PPTC7: variants seen among roughly 807,000 people sequenced by gnomAD.
PPTC7 encodes the protein protein phosphatase targeting COQ7, also known as protein phosphatase PTC7 homolog.
Under a neutral mutation model 30.8 loss-of-function variants are expected in PPTC7, and 6 were observed. The observed-to-expected ratio is 0.19, with a 90% CI of 0.11 to 0.38. The LOEUF is 0.38. Ranked by LOEUF, PPTC7 falls within the 10% of genes least tolerant of loss-of-function variation. The pLI is 1.00. For missense variants in PPTC7, 218 were observed against 404.8 expected (o/e 0.54, Z 3.96); for synonymous variants, 163 against 168.1 (o/e 0.97, Z 0.23).
At chr12:110,582,739 A>G (rs2064649067) in intron 1 of PPTC7, 70 bp downstream of exon 1, 1 of 1,308,220 alleles carries the variant, frequency 7.6e-7, no homozygotes, top group Non-Finnish European at 1.0e-6. Flanking sequence ...GGAACTGGGG[A>G]AGCCCCGCGC....
chr12:110,567,053 T>TG (rs2064490028), intron 1 of PPTC7, among the ~76,000 whole-genome samples: 2 of 152,348 alleles, frequency 1.3e-5, no homozygotes, highest in East Asian at 3.9e-4. Flanking sequence ...AATACATACA[T>TG]GGGCCTAACC....
At chr12:110,576,548 G>T (rs1172182615) in intron 1 of PPTC7, among the ~76,000 whole-genome samples, 1 of 152,206 alleles carries the variant, frequency 6.6e-6, no homozygotes, top group African/African-American at 2.4e-5. Flanking sequence ...CATAAAAAGG[G>T]AGGAAGTACT....
chr12:110,560,126 G>A (rs1317126554), intron 1 of PPTC7, among the ~76,000 whole-genome samples: 1 of 152,156 alleles, frequency 6.6e-6, no homozygotes, highest in Non-Finnish European at 1.5e-5. Context: ...ATGACCAGGC[G>A]TGGTAGCTCA....
chr12:110,539,801 G>A (rs779847048), intron 4 of PPTC7, 21 bp downstream of exon 4: 8 of 1,612,158 alleles, frequency 5.0e-6, no homozygotes, highest in Non-Finnish European at 5.9e-6. Context: ...TTTCCCAAGA[G>A]CTAACCTTTG....
intron 1 of PPTC7, among the ~76,000 whole-genome samples, chr12:110,582,374 T>C (rs74728497): frequency 0.11 from 17,075 of 152,204 alleles, 1,168 homozygotes; most frequent in African/African-American, 0.19. Flanking sequence ...TCCCGCAGCC[T>C]GGGCCGGGCT....
chr12:110,582,852 G>C lies in PPTC7; in HGVS notation c.180C>G (p.Asp60Glu), dbSNP rs1254401407. 4 of 1,561,102 alleles carry C rather than the reference G, an allele frequency of 2.6e-6. No homozygotes were observed. The highest frequency in any genetic ancestry group is 1.7e-6 in the Non-Finnish European group (2 of 1,152,718). The part of the protein sequence containing the change: ...GLLKKGACYG[D>E]DACFVARHRS... ...GGTGCCGGGCCACGAAGCACGCGTCGTCCCCGTAGCACGCGCCCTTCTTGA... is the reference window on the plus strand; with the variant it reads ...GGTGCCGGGCCACGAAGCACGCGTCCTCCCCGTAGCACGCGCCCTTCTTGA... The change falls in exon 1 of 6, where the codon GAC becomes GAG. Residue 60 changes from aspartate to glutamate, a missense_variant. Physicochemically the swap from Asp to Glu is conservative, Grantham distance 45. Transcript: ENST00000354300.
rs539023996 is a variant in PPTC7, at chr12:110,533,352, C to T, written c.*3685G>A. On this transcript the variant is annotated 3_prime_UTR_variant, in exon 6 of 6. Transcript: ENST00000354300. The stretch of plus-strand genomic sequence containing the variant: ...TCAGACATCCAAATTCAGGTAATTG[C>T]CTCTTGGGTAATAAGACAAATAATG... 4 of 152,206 alleles carry T rather than the reference C, an allele frequency of 2.6e-5. No homozygotes were observed. In the South Asian group the frequency reaches 8.3e-4, roughly 32 times the overall value. The allele number at this position is 152,206 out of a possible 1,614,324, so 9.4% of individuals were successfully genotyped here.
At chr12:110,537,814 T>C (rs779425247) in intron 5 of PPTC7, among the ~76,000 whole-genome samples, 1 of 152,212 alleles carries the variant, frequency 6.6e-6, no homozygotes, top group Non-Finnish European at 1.5e-5. Flanking sequence ...AAAGGCTGAA[T>C]GTTAAACTGT....
At chr12:110,574,125 C>CT (rs2064565186) in intron 1 of PPTC7, among the ~76,000 whole-genome samples, 1 of 114,724 alleles carries the variant, frequency 8.7e-6, no homozygotes, top group African/African-American at 3.3e-5. Context: ...CAGAGAGACT[C>CT]TGTCTCCACA....
intron 1 of PPTC7, among the ~76,000 whole-genome samples, chr12:110,561,431 A>C (rs2064436938): frequency 6.6e-6 from 1 of 152,000 alleles, no homozygotes; most frequent in Non-Finnish European, 1.5e-5. Flanking sequence ...CTCCTGCCTC[A>C]GCCTCCCGAG....
At chr12:110,571,159 TA>T (rs2064532840) in intron 1 of PPTC7, among the ~76,000 whole-genome samples, 1 of 152,104 alleles carries the variant, frequency 6.6e-6, no homozygotes, top group Admixed American at 6.5e-5. Context: ...TGGGGCAAAC[TA>T]AAAGTAAAAT....
intron 1 of PPTC7, among the ~76,000 whole-genome samples, chr12:110,573,367 G>C (rs1353534295): frequency 6.6e-6 from 1 of 152,120 alleles, no homozygotes; most frequent in Non-Finnish European, 1.5e-5. Context: ...TAACTGATGG[G>C]CTATACATGC....
At chr12:110,575,045 C>G (rs1057105030) in intron 1 of PPTC7, among the ~76,000 whole-genome samples, 1 of 151,510 alleles carries the variant, frequency 6.6e-6, no homozygotes, top group African/African-American at 2.4e-5. Flanking sequence ...CCGCCTTGGC[C>G]TCCCAAAGTT....
chr12:110,561,571 G>A (rs1049126270), intron 1 of PPTC7, among the ~76,000 whole-genome samples: 28 of 152,194 alleles, frequency 1.8e-4, no homozygotes, highest in East Asian at 5.8e-4. Context: ...CCCCAACACA[G>A]CCTTGGGCTC....
chr12:110,547,934 C>T (rs747378617), intron 2 of PPTC7, among the ~76,000 whole-genome samples: 1 of 152,018 alleles, frequency 6.6e-6, no homozygotes, highest in Non-Finnish European at 1.5e-5. Flanking sequence ...GGTGAAATCC[C>T]CTCTCTACTA....
At chr12:110,558,481 G>A (rs1049445011) in intron 1 of PPTC7, among the ~76,000 whole-genome samples, 1 of 152,196 alleles carries the variant, frequency 6.6e-6, no homozygotes, top group Non-Finnish European at 1.5e-5. Context: ...AACATTCTGT[G>A]AGCACACATC....
intron 1 of PPTC7, 87 bp downstream of exon 1, chr12:110,582,722 G>T: frequency 1.7e-6 from 2 of 1,179,884 alleles, no homozygotes; most frequent in East Asian, 2.8e-5. Context: ...TCCTTTCGCC[G>T]CCGGGAGGAA....
Position 110,582,396 on chromosome 12 carries a change from A to T in PPTC7, c.223+413T>A, listed in dbSNP as rs2064645214. Among the ~76,000 whole-genome samples the T allele has an allele frequency of 2.0e-5, 3 of 152,080 alleles. No homozygotes were observed. The South Asian group carries it at 6.2e-4, about 32-fold the overall frequency. On this transcript the variant is annotated intron_variant, in intron 1 of 5. Coordinates refer to ENST00000354300, the MANE Select transcript of PPTC7 (RefSeq NM_139283.2). Reference sequence around the variant, plus strand: ...GCCTGGGCCGGGCTGTGGTGTCGGGAGCACGCGAAGAGGCAGGGATCCCCG... The same window carrying T: ...GCCTGGGCCGGGCTGTGGTGTCGGGTGCACGCGAAGAGGCAGGGATCCCCG...
At chr12:110,567,224 C>T (rs191174397) in intron 1 of PPTC7, among the ~76,000 whole-genome samples, 2 of 152,212 alleles carry the variant, frequency 1.3e-5, no homozygotes, top group African/African-American at 4.8e-5. Context: ...TGATTCCCCA[C>T]CCTTGCTGCA....
Sources: allele counts gnomAD v4.1 joint callset (sites outside exome capture counted in the v4.1 genomes callset), GRCh38; gene constraint gnomAD v4.1.1; transcripts MANE v1.5; gene names NCBI Gene and HGNC (gene_info 2026-07-23, HGNC 2026-07-21).